DGKG: variants seen among roughly 807,000 people sequenced by gnomAD.
The protein encoded by DGKG is DAG kinase gamma.
In DGKG, 78 loss-of-function variants were observed where a neutral mutation model predicts 105.3. The observed-to-expected ratio is 0.74, with a 90% CI of 0.62 to 0.89. The LOEUF (loss-of-function observed/expected upper bound fraction) is 0.89, where lower values mean the gene tolerates loss of function less well. Among genes scored for constraint, DGKG ranks in the 40% least tolerant of loss-of-function variants. The pLI is 0.00. For synonymous variants in DGKG, 346 were observed against 367.1 expected (o/e 0.94, Z 0.66); for missense variants, 958 against 1,020.1 (o/e 0.94, Z 0.83).
chr3:186,192,047 G>A (rs1377302490), intron 21 of DGKG, among the ~76,000 whole-genome samples: 4 of 151,832 alleles, frequency 2.6e-5, no homozygotes, highest in African/African-American at 7.3e-5. Flanking sequence ...CGCTCTTGTC[G>A]CCCAGGCTGG....
intron 1 of DGKG, among the ~76,000 whole-genome samples, chr3:186,350,940 G>GT (rs893770195): frequency 1.3e-5 from 2 of 152,168 alleles, no homozygotes; most frequent in Non-Finnish European, 2.9e-5. Context: ...TTTGAATTGG[G>GT]TTTTTTTGTT....
At chr3:186,318,494 G>C (rs888522144) in intron 2 of DGKG, among the ~76,000 whole-genome samples, 5 of 152,140 alleles carry the variant, frequency 3.3e-5, no homozygotes, top group African/African-American at 1.2e-4. Flanking sequence ...AAATTTATGT[G>C]TTGAAGTTCC....
At chr3:186,360,413 CAT>C (rs1313682404) in intron 1 of DGKG, among the ~76,000 whole-genome samples, 1 of 152,100 alleles carries the variant, frequency 6.6e-6, no homozygotes, top group African/African-American at 2.4e-5. Flanking sequence ...GCAAAAAAGA[CAT>C]AGATCAGGAG....
Position 186,149,421 on chromosome 3 carries a change from GA to G in DGKG, c.*668del. On this transcript the variant is annotated 3_prime_UTR_variant, in exon 25 of 25. Transcript: ENST00000265022. Reference sequence around the variant, plus strand: ...CTCTAAGCAAACATGTAGACACCAGGAGAAGGTTCCTGGAAAATAACAAGTG... The same window carrying G: ...CTCTAAGCAAACATGTAGACACCAGGGAAGGTTCCTGGAAAATAACAAGTG... 1 of 985,450 alleles carries G rather than the reference GA, an allele frequency of 1.0e-6. No homozygotes were observed. The highest frequency in any genetic ancestry group is 1.2e-6 in the Non-Finnish European group (1 of 829,950). The allele number at this position is 985,450 out of a possible 1,614,324, so 61.0% of individuals were successfully genotyped here.
chr3:186,238,138 GGAA>G (rs1395920202), intron 20 of DGKG, among the ~76,000 whole-genome samples: 4 of 151,618 alleles, frequency 2.6e-5, no homozygotes, highest in Admixed American at 1.3e-4. Context: ...ACTAAAAATA[GGAA>G]GAAAAGTTAG....
At chr3:186,332,887 C>A (rs1725666182) in intron 1 of DGKG, among the ~76,000 whole-genome samples, 1 of 151,976 alleles carries the variant, frequency 6.6e-6, no homozygotes, top group South Asian at 2.1e-4. Context: ...GGGAGGGGAA[C>A]TGGTGGCTTT....
At chr3:186,268,686 G>A (rs895250904) in intron 12 of DGKG, 115 bp downstream of exon 12, 1 of 713,138 alleles carries the variant, frequency 1.4e-6, no homozygotes, top group East Asian at 2.6e-5. Context: ...GGTCCTCCTA[G>A]CCTCGCTCCC....
At chr3:186,287,035 A>AAAATAAATAAATAAATAAATAAATAAAT (rs56077495) in intron 6 of DGKG, among the ~76,000 whole-genome samples, 4 of 142,476 alleles carry the variant, frequency 2.8e-5, no homozygotes, top group African/African-American at 7.9e-5. Flanking sequence ...ACTCCATCTC[A>AAAATAAATAAATAAATAAATAAATAAAT]AAATAAATAA....
At chr3:186,211,766 G>A in intron 21 of DGKG, 29 bp downstream of exon 21, 2 of 1,558,516 alleles carry the variant, frequency 1.3e-6, no homozygotes, top group Non-Finnish European at 1.8e-6. Context: ...CCAAGATCCA[G>A]GAAGCCTTCT....
At chr3:186,176,822 A>T (rs1717104038) in intron 22 of DGKG, among the ~76,000 whole-genome samples, 1 of 152,188 alleles carries the variant, frequency 6.6e-6, no homozygotes, top group South Asian at 2.1e-4. Flanking sequence ...ATGAAAAGAG[A>T]TGGGCGCTGG....
chr3:186,234,101 A>G (rs1720295675), intron 20 of DGKG, among the ~76,000 whole-genome samples: 2 of 152,204 alleles, frequency 1.3e-5, no homozygotes, highest in Non-Finnish European at 2.9e-5. Context: ...TTAATGTCCT[A>G]TTTGGGGCTT....
intron 2 of DGKG, 68 bp from the exon 3 acceptor site, chr3:186,307,045 T>C (rs1426618897): frequency 2.8e-6 from 3 of 1,079,478 alleles, no homozygotes; most frequent in Non-Finnish European, 4.3e-6. Context: ...AAGTAAATTC[T>C]CCCTGTGTAA....
chr3:186,330,802 A>G (rs192846851), intron 1 of DGKG, among the ~76,000 whole-genome samples: 23 of 152,218 alleles, frequency 1.5e-4, no homozygotes, highest in Admixed American at 1.4e-3. Context: ...CAGACATCAC[A>G]CGTGGAGCAG....
At chr3:186,260,232 A>G (rs1721697055) in intron 16 of DGKG, among the ~76,000 whole-genome samples, 2 of 152,212 alleles carry the variant, frequency 1.3e-5, no homozygotes, top group Non-Finnish European at 2.9e-5. Context: ...ACAGGAGGCC[A>G]CTTCTCAAAC....
At chr3:186,239,461 A>T (rs1218497810) in intron 20 of DGKG, among the ~76,000 whole-genome samples, 4 of 152,220 alleles carry the variant, frequency 2.6e-5, no homozygotes, top group Non-Finnish European at 5.9e-5. Context: ...GTAATGGGGT[A>T]ACCATGGCAA....
Position 186,211,847 on chromosome 3 carries a change from G to C in DGKG, c.1865C>G (p.Ser622Trp), listed in dbSNP as rs141678179. The C allele has an allele frequency of 2.5e-6, 4 of 1,614,166 alleles. No individual in the cohort carries two copies. The highest frequency in any genetic ancestry group is 3.4e-6 in the Non-Finnish European group (4 of 1,180,008). The change falls in exon 21 of 25, where the codon TCG (serine) becomes TGG (tryptophan). Residue 622 changes from serine to tryptophan, a missense_variant. Physicochemically the swap from Ser to Trp is radical, Grantham distance 177. Coordinates refer to ENST00000265022, the MANE Select transcript of DGKG (RefSeq NM_001346.3). ...NKLWYFEFGT[S>W]ETFAATCKKL... is the part of the protein sequence containing the mutation. ...CTTGCAGGTCGCTGCAAAAGTCTCC[G>C]AGGTGCCAAATTCAAAGTACCACAG... is the stretch of plus-strand genomic sequence containing the variant.
At chr3:186,332,124 G>T (rs996542126) in intron 1 of DGKG, among the ~76,000 whole-genome samples, 18 of 152,112 alleles carry the variant, frequency 1.2e-4, no homozygotes, top group Non-Finnish European at 2.4e-4. Flanking sequence ...GCCACGCCCT[G>T]GTCCTCAACA....
chr3:186,334,151 A>C (rs781246753), intron 1 of DGKG, among the ~76,000 whole-genome samples: 1 of 152,096 alleles, frequency 6.6e-6, no homozygotes, highest in East Asian at 1.9e-4. Flanking sequence ...AGGGTCTACT[A>C]TCTGTTCTAT....
chr3:186,334,811 T>C (rs1053759409), intron 1 of DGKG, among the ~76,000 whole-genome samples: 2 of 152,078 alleles, frequency 1.3e-5, no homozygotes, highest in Non-Finnish European at 2.9e-5. Context: ...CAATCCTGGA[T>C]TGGAATTATG....
Sources: gnomAD v4.1 joint callset for allele counts (sites outside exome capture counted in the v4.1 genomes callset) on GRCh38, gnomAD v4.1.1 for gene constraint, MANE v1.5 for transcripts, NCBI Gene and HGNC (gene_info 2026-07-23, HGNC 2026-07-21) for gene names.